The following TBC1D32 variants were observed in gnomAD, a reference collection of about 807,000 sequenced individuals.
TBC1D32 encodes protein broad-minded.
TBC1D32 carries 151 observed loss-of-function variants against 170.3 expected under a neutral mutation model. The ratio of observed to expected loss-of-function variants is 0.89; its 90% confidence interval spans 0.78 to 1.01. The LOEUF (loss-of-function observed/expected upper bound fraction) is 1.01. Among genes scored for constraint, TBC1D32 ranks in the 50% least tolerant of loss-of-function variants. The probability of loss-of-function intolerance (pLI) is 0.00; values close to 1 mark genes in which losing one functional copy is unlikely to be tolerated. For missense variants in TBC1D32, 1,464 were observed against 1,457.1 expected (o/e 1.00, Z -0.08); for synonymous variants, 498 against 488.0 (o/e 1.02, Z -0.27).
chr6:121,233,322 T>A (rs1583320120), intron 20 of TBC1D32, among the ~76,000 whole-genome samples: 1 of 152,190 alleles, frequency 6.6e-6, no homozygotes, highest in East Asian at 1.9e-4. Context: ...AGTTCCACAC[T>A]ATTATTGTGT....
chr6:121,159,360 T>A (rs1305510044), intron 24 of TBC1D32, among the ~76,000 whole-genome samples: 1 of 152,198 alleles, frequency 6.6e-6, no homozygotes, highest in Non-Finnish European at 1.5e-5. Flanking sequence ...AAATTACTAC[T>A]CTGTTGATAC....
At chr6:121,151,888 T>C (rs901762203) in intron 24 of TBC1D32, among the ~76,000 whole-genome samples, 1 of 152,216 alleles carries the variant, frequency 6.6e-6, no homozygotes, top group Non-Finnish European at 1.5e-5. Context: ...TTTGAGCCTA[T>C]GTGTGTCTTT....
chr6:121,250,985 G>A (rs1798214338), intron 17 of TBC1D32, among the ~76,000 whole-genome samples: 1 of 151,938 alleles, frequency 6.6e-6, no homozygotes. Flanking sequence ...CACAACTGCT[G>A]CGAGGAAAAT....
intron 24 of TBC1D32, among the ~76,000 whole-genome samples, chr6:121,132,501 T>A (rs1781544995): frequency 6.6e-6 from 1 of 152,020 alleles, no homozygotes; most frequent in South Asian, 2.1e-4. Flanking sequence ...CAGTTTATTA[T>A]TCTTTGTTCA....
Position 121,317,542 on chromosome 6 carries a change from T to C in TBC1D32, c.448A>G (p.Ser150Gly), listed in dbSNP as rs753390780. The change falls in exon 3 of 32, where the codon AGT becomes GGT. Residue 150 changes from serine to glycine, a missense_variant. Ser to Gly is a moderately conservative substitution (Grantham distance 56, BLOSUM62 0). Coordinates refer to ENST00000398212, the MANE Select transcript of TBC1D32 (RefSeq NM_152730.6). ...QKKIQKEKSH[S>G]YRTDNCSDSD... is the part of the protein sequence containing the mutation. ...TCAGAGCAATTGTCTGTGCGGTAAC[T>C]ATGGCTTTTCTCCTTTTGGATTTTT... 1.2e-6 allele frequency: 2 copies of C among 1,612,898 alleles called. No individual in the cohort carries two copies. Among genetic ancestry groups the C allele is most frequent in the South Asian group, 1.1e-5 (1 of 90,982 alleles).
chr6:121,286,244 A>T (rs1230367147), intron 12 of TBC1D32, among the ~76,000 whole-genome samples: 1 of 152,170 alleles, frequency 6.6e-6, no homozygotes, highest in Non-Finnish European at 1.5e-5. Context: ...CCTTGAAAAA[A>T]AATTGGATAA....
At chr6:121,308,222 A>C (rs1051499628) in intron 4 of TBC1D32, 121 bp from the exon 5 acceptor site, 2 of 956,638 alleles carry the variant, frequency 2.1e-6, no homozygotes, top group African/African-American at 1.7e-5. Flanking sequence ...AGAATGATTT[A>C]TCAGATGCCT....
At position 121,125,757 on chromosome 6, in the gene TBC1D32, A is replaced by T. The variant is rs1224924876; in HGVS notation, c.2983+621T>A. 2.6e-5 allele frequency among the ~76,000 whole-genome samples: 4 copies of T among 152,206 alleles called. 1 individual carries two copies. Among genetic ancestry groups the T allele is most frequent in the African/African-American group, 9.6e-5 (4 of 41,460 alleles). On this transcript the variant is annotated intron_variant, in intron 26 of 31. Transcript: ENST00000398212. ...CTGCTATGAGATAGAAGCTGGAGAGACATGTCTCAGCTCAGAGGTGTACAT... is the reference window on the plus strand; with the variant it reads ...CTGCTATGAGATAGAAGCTGGAGAGTCATGTCTCAGCTCAGAGGTGTACAT...
intron 17 of TBC1D32, among the ~76,000 whole-genome samples, chr6:121,246,406 T>C (rs1358659916): frequency 1.3e-5 from 2 of 151,922 alleles, no homozygotes. Flanking sequence ...CAAAAATAAA[T>C]TCAAAAAACA....
At chr6:121,147,105 A>G (rs1232699628) in intron 24 of TBC1D32, among the ~76,000 whole-genome samples, 3 of 152,184 alleles carry the variant, frequency 2.0e-5, no homozygotes, top group Non-Finnish European at 2.9e-5. Context: ...ATGCACTTAG[A>G]ATAATGGCAT....
chr6:121,156,485 C>CT (rs1784901830), intron 24 of TBC1D32, among the ~76,000 whole-genome samples: 1 of 150,798 alleles, frequency 6.6e-6, no homozygotes, highest in Non-Finnish European at 1.5e-5. Context: ...TCTCACTTAT[C>CT]TTTTTTATGG....
At chr6:121,232,537 A>C (rs1226731544) in intron 20 of TBC1D32, among the ~76,000 whole-genome samples, 1 of 152,070 alleles carries the variant, frequency 6.6e-6, no homozygotes, top group Non-Finnish European at 1.5e-5. Context: ...CACAATATTG[A>C]TTCTACCCAT....
At chr6:121,103,187 C>T (rs111487727) in intron 30 of TBC1D32, among the ~76,000 whole-genome samples, 11,546 of 151,812 alleles carry the variant, frequency 0.076, 860 homozygotes, top group African/African-American at 0.2. Context: ...AATTCCTCAA[C>T]GATCTAGAAC....
At chr6:121,250,087 T>C (rs1798098599) in intron 17 of TBC1D32, among the ~76,000 whole-genome samples, 2 of 151,996 alleles carry the variant, frequency 1.3e-5, no homozygotes, top group African/African-American at 4.8e-5. Flanking sequence ...CAAATTATTA[T>C]ACAAGGCTAT....
chr6:121,270,710 G>A lies in TBC1D32; in HGVS notation c.1733+8411C>T, dbSNP rs558498929. On this transcript the variant is annotated intron_variant, in intron 15 of 31. Transcript: ENST00000398212. Reference sequence around the variant, plus strand: ...AAGAGGAGCTGGTACCATTACTTCTGAAACTATTCCAATCAATAGAAAAAG... The same window carrying A: ...AAGAGGAGCTGGTACCATTACTTCTAAAACTATTCCAATCAATAGAAAAAG... Among the ~76,000 whole-genome samples, 131 of 152,238 alleles carry A rather than the reference G, an allele frequency of 8.6e-4. 1 individual carries two copies. Among genetic ancestry groups the A allele is most frequent in the African/African-American group, 2.4e-3 (101 of 41,534 alleles).
chr6:121,138,580 T>C (rs1221858173), intron 24 of TBC1D32, among the ~76,000 whole-genome samples: 1 of 152,176 alleles, frequency 6.6e-6, no homozygotes, highest in East Asian at 1.9e-4. Flanking sequence ...CCTCAGTTCA[T>C]AGGTTGATGT....
intron 22 of TBC1D32, among the ~76,000 whole-genome samples, chr6:121,185,210 A>G (rs1789031832): frequency 6.6e-6 from 1 of 152,070 alleles, no homozygotes; most frequent in Non-Finnish European, 1.5e-5. Context: ...ATCCAATTCT[A>G]GCAGGTACTA....
rs79089510 is a variant in TBC1D32, at chr6:121,208,527, G to A, written c.2482-3364C>T. Among the ~76,000 whole-genome samples the A allele has an allele frequency of 2.6e-3, 395 of 151,816 alleles. 15 individuals carry two copies. In the East Asian group the frequency reaches 0.065, roughly 25 times the overall value. On this transcript the variant is annotated intron_variant, in intron 21 of 31. Transcript: ENST00000398212. ...CCCTCCCATGACACATGGGGATTAC[G>A]GAAACTATAATTCAAGACGAGATCT...
intron 17 of TBC1D32, among the ~76,000 whole-genome samples, chr6:121,251,396 A>C (rs774917382): frequency 1.6e-4 from 25 of 152,138 alleles, no homozygotes; most frequent in African/African-American, 3.1e-4. Context: ...CTCAGAGATA[A>C]CACCACATAT....
Sources: allele counts gnomAD v4.1 joint callset (sites outside exome capture counted in the v4.1 genomes callset), GRCh38; gene constraint gnomAD v4.1.1; transcripts MANE v1.5; gene names NCBI Gene and HGNC (gene_info 2026-07-23, HGNC 2026-07-21).